Variants in AKT3 observed in about 807,000 individuals in gnomAD.
AKT3 encodes RAC-gamma serine/threonine-protein kinase.
Under a neutral mutation model 65.3 loss-of-function variants are expected in AKT3, and 15 were observed. The observed-to-expected ratio is 0.23, with a 90% CI of 0.15 to 0.35. The LOEUF (loss-of-function observed/expected upper bound fraction) is 0.35. Ranked by LOEUF, AKT3 falls within the 10% of genes least tolerant of loss-of-function variation. AKT3 has a pLI of 1.00. For synonymous variants in AKT3, 206 were observed against 183.8 expected, an observed-to-expected ratio of 1.12 and a Z score of -0.98; for missense variants, 243 against 576.5, an observed-to-expected ratio of 0.42 and a Z score of 5.92.
chr1:243,808,671 T>C (rs1031527566), intron 2 of AKT3, among the ~76,000 whole-genome samples: 2 of 151,962 alleles, frequency 1.3e-5, no homozygotes, highest in East Asian at 1.9e-4. Flanking sequence ...ATTCAGGAAA[T>C]ACAGAAAACG....
At chr1:243,572,811 CT>C in intron 9 of AKT3, 114 bp downstream of exon 9, 1 of 1,158,080 alleles carries the variant, frequency 8.6e-7, no homozygotes, top group Non-Finnish European at 1.1e-6. Context: ...AAACATAGTG[CT>C]TTTTTCCCAA....
intron 12 of AKT3, among the ~76,000 whole-genome samples, chr1:243,522,067 C>A (rs1410665129): frequency 6.6e-6 from 1 of 152,098 alleles, no homozygotes; most frequent in Admixed American, 6.5e-5. Flanking sequence ...ACACTGGGAG[C>A]CTTTTTAAAA....
chr1:243,657,295 T>G (rs956410128), intron 4 of AKT3, among the ~76,000 whole-genome samples: 2 of 152,152 alleles, frequency 1.3e-5, no homozygotes, highest in African/African-American at 4.8e-5. Context: ...ACACCTGGCC[T>G]CCAGAACTGT....
chr1:243,801,748 T>C (rs1394446008), intron 2 of AKT3, among the ~76,000 whole-genome samples: 1 of 152,222 alleles, frequency 6.6e-6, no homozygotes, highest in Non-Finnish European at 1.5e-5. Flanking sequence ...CAATTTAATC[T>C]ACTATTTCAA....
rs12033992 is a variant in AKT3 at position 243,550,655 on chromosome 1, A to G, written c.1163+2074T>C. Among the ~76,000 whole-genome samples, 36 of 151,866 alleles carry G rather than the reference A, an allele frequency of 2.4e-4. No homozygotes were observed. In the East Asian group the frequency reaches 7.0e-3, roughly 30 times the overall value. On this transcript the variant is annotated intron_variant, in intron 11 of 13. Coordinates refer to ENST00000673466, the MANE Select transcript of AKT3 (RefSeq NM_005465.7). ...AATATTAGACCAAAAAATGAAATAG[A>G]TAAAAGTCGGCTGGACACGGTGGCT...
intron 8 of AKT3, among the ~76,000 whole-genome samples, chr1:243,588,785 C>T (rs1004211492): frequency 2.6e-5 from 4 of 151,988 alleles, no homozygotes; most frequent in Admixed American, 2.0e-4. Context: ...CTATAAAACT[C>T]CTAGAAGAAA....
At chr1:243,593,612 G>C (rs561904655) in intron 8 of AKT3, among the ~76,000 whole-genome samples, 1 of 152,190 alleles carries the variant, frequency 6.6e-6, no homozygotes, top group African/African-American at 2.4e-5. Flanking sequence ...ACTTAAACCT[G>C]GGAATAAACC....
Position 243,500,097 on chromosome 1 carries a change from G to T in AKT3, c.*5152C>A. 1 of 396,642 alleles carries T rather than the reference G, an allele frequency of 2.5e-6. No homozygotes were observed. Among genetic ancestry groups the T allele is most frequent in the South Asian group, 5.2e-5 (1 of 19,370 alleles). 24.6% of individuals were successfully genotyped at this position (396,642 alleles called of 1,614,324 possible). A position where few individuals can be genotyped will look rare whatever the true frequency, so the allele number is the denominator to read the frequency against. ...ATAAATGAACTTTTTAAAGACTTGA[G>T]TTGTAATGTTTCCTTTTTATCTTGT... On this transcript the variant is annotated 3_prime_UTR_variant, in exon 14 of 14. Coordinates refer to ENST00000673466, the MANE Select transcript of AKT3 (RefSeq NM_005465.7).
At chr1:243,521,821 T>A (rs934737932) in intron 12 of AKT3, among the ~76,000 whole-genome samples, 2 of 152,246 alleles carry the variant, frequency 1.3e-5, no homozygotes, top group Non-Finnish European at 2.9e-5. Context: ...ATGATATGGA[T>A]GATTTGCATT....
intron 2 of AKT3, among the ~76,000 whole-genome samples, chr1:243,800,676 C>T (rs2148365301): frequency 6.6e-6 from 1 of 152,090 alleles, no homozygotes; most frequent in East Asian, 1.9e-4. Context: ...CAAGATCGCG[C>T]CATTGCACTC....
intron 2 of AKT3, among the ~76,000 whole-genome samples, chr1:243,842,341 A>C (rs1695292996): frequency 6.6e-6 from 1 of 152,224 alleles, no homozygotes; most frequent in East Asian, 1.9e-4. Flanking sequence ...AACAGTCCTC[A>C]TCCTACTCGA....
chr1:243,725,875 TACAATTTTCAAAGTAATAGCTAAA>T (rs530352060), intron 2 of AKT3, among the ~76,000 whole-genome samples: 44 of 152,346 alleles, frequency 2.9e-4, no homozygotes, highest in Non-Finnish European at 5.9e-4. Flanking sequence ...TATATGTTGT[TACAATTTTCAAAGTAATAGCTAAA>T]AAGTACACAC....
intron 4 of AKT3, among the ~76,000 whole-genome samples, chr1:243,653,954 T>A (rs1366697471): frequency 5.3e-5 from 8 of 152,182 alleles, no homozygotes; most frequent in Non-Finnish European, 8.8e-5. Context: ...GCCTGTTTTT[T>A]AAATTATTTT....
chr1:243,729,168 C>T (rs1687393854), intron 2 of AKT3, among the ~76,000 whole-genome samples: 1 of 152,004 alleles, frequency 6.6e-6, no homozygotes, highest in Non-Finnish European at 1.5e-5. Context: ...TGAAAGATGC[C>T]AGTGTGGACA....
At chr1:243,528,567 A>G (rs1320505809) in intron 12 of AKT3, among the ~76,000 whole-genome samples, 1 of 152,182 alleles carries the variant, frequency 6.6e-6, no homozygotes, top group Non-Finnish European at 1.5e-5. Flanking sequence ...AAGTGAGAAT[A>G]TGCGGGATTT....
At chr1:243,754,781 C>T (rs4565696) in intron 2 of AKT3, among the ~76,000 whole-genome samples, 38,751 of 152,006 alleles carry the variant, frequency 0.25, 5,717 homozygotes, top group African/African-American at 0.4. Flanking sequence ...CCCAGGTTCA[C>T]AGAAAAACTG....
chr1:243,545,153 CACTTTAAAATTAA>C (rs1481969819), intron 12 of AKT3, among the ~76,000 whole-genome samples: 1 of 152,020 alleles, frequency 6.6e-6, no homozygotes, highest in Non-Finnish European at 1.5e-5. Context: ...CTGAAGTGTT[CACTTTAAAATTAA>C]AGACATAAGG....
intron 6 of AKT3, among the ~76,000 whole-genome samples, chr1:243,628,786 C>T (rs1019680744): frequency 6.6e-6 from 1 of 152,240 alleles, no homozygotes; most frequent in Non-Finnish European, 1.5e-5. Flanking sequence ...GGAAGGCTGT[C>T]ACACTATAAC....
chr1:243,647,214 G>A (rs1455788443), intron 4 of AKT3, among the ~76,000 whole-genome samples: 2 of 152,128 alleles, frequency 1.3e-5, no homozygotes, highest in African/African-American at 2.4e-5. Context: ...CAATGTTTCA[G>A]TCAATGATGG....
Sources: gnomAD v4.1 joint callset for allele counts (sites outside exome capture counted in the v4.1 genomes callset) on GRCh38, gnomAD v4.1.1 for gene constraint, MANE v1.5 for transcripts, NCBI Gene and HGNC (gene_info 2026-07-23, HGNC 2026-07-21) for gene names.